STON1: variants seen among roughly 807,000 people sequenced by gnomAD.
STON1 encodes the protein stonin-1.
A neutral mutation model predicts 60.9 loss-of-function variants in STON1; 79 were observed. The observed-to-expected ratio is 1.30, with a 90% CI of 1.08 to 1.56. STON1 has a LOEUF of 1.56. Among genes scored for constraint, STON1 ranks in the 40% most tolerant of loss-of-function variants. STON1 has a pLI of 0.00. For synonymous variants in STON1, 363 were observed against 306.9 expected (o/e 1.18, Z -1.91); for missense variants, 1,166 against 858.9 (o/e 1.36, Z -4.47).
chr2:48,532,690 A>AC (rs1671261703), intron 1 of STON1, among the ~76,000 whole-genome samples: 1 of 152,306 alleles, frequency 6.6e-6, no homozygotes, highest in African/African-American at 2.4e-5. Context: ...CACGGGTACA[A>AC]GAGTCTGCCC....
chr2:48,591,766 G>C lies in STON1; in HGVS notation c.2044G>C (p.Ala682Pro). 1 of 1,614,168 alleles carries C rather than the reference G, an allele frequency of 6.2e-7. No homozygotes were observed. The highest frequency in any genetic ancestry group is 8.5e-7 in the Non-Finnish European group (1 of 1,180,036). ...TCAGTTTTCCGTGCCTGACACCTGT[G>C]CCTCAAGGACAGAGGTCAGGTCTCT... ...TVQFSVPDTCASRTEVRSLGV... is the reference protein window; with the variant it reads ...TVQFSVPDTCPSRTEVRSLGV... The change falls in exon 3 of 4, where the codon GCC (alanine) becomes CCC (proline). Residue 682 changes from alanine to proline, a missense_variant. Ala to Pro is a conservative substitution (Grantham distance 27). Transcript: ENST00000404752.
chr2:48,545,247 A>G (rs1671820258), intron 1 of STON1, among the ~76,000 whole-genome samples: 1 of 152,194 alleles, frequency 6.6e-6, no homozygotes, highest in Non-Finnish European at 1.5e-5. Context: ...CATCATCTTT[A>G]TCAATCACCT....
rs1162284238 is a variant in STON1, at chr2:48,535,096, CA to C, written c.-48+4881del. Among the ~76,000 whole-genome samples, 8 of 152,146 alleles carry C rather than the reference CA, an allele frequency of 5.3e-5. No individual in the cohort carries two copies. In the South Asian group the frequency reaches 1.2e-3, roughly 24 times the overall value. ...TATGTCTTCAGAGCTCTGCAGATTA[CA>C]GGGTGTCATCATTCTTTGCAGCGTC... On this transcript the variant is annotated intron_variant, in intron 1 of 3. Coordinates refer to ENST00000404752, the MANE Select transcript of STON1 (RefSeq NM_006873.4).
chr2:48,576,056 C>T (rs1033913238), intron 1 of STON1, among the ~76,000 whole-genome samples: 1 of 151,760 alleles, frequency 6.6e-6, no homozygotes, highest in Non-Finnish European at 1.5e-5. Context: ...CCGCACCTGG[C>T]CCTATTTTTA....
Position 48,595,247 on chromosome 2 carries a change from G to A in STON1, c.2153G>A (p.Trp718Ter). The change falls in exon 4 of 4, where the codon TGG becomes TAG. Residue 718 changes from tryptophan (W) to a stop codon, truncating the protein, a stop_gained. Coordinates refer to ENST00000404752, the MANE Select transcript of STON1 (RefSeq NM_006873.4). LOFTEE classifies it high-confidence loss of function. ...YNIQVEIEKK[W>*]IKIDGEDPDK... ...TAACAGGTTGAAATAGAAAAGAAGTGGATTAAAATCGATGGAGAAGACCCA... is the reference window on the plus strand; with the variant it reads ...TAACAGGTTGAAATAGAAAAGAAGTAGATTAAAATCGATGGAGAAGACCCA... 6.2e-7 allele frequency: 1 copy of A among 1,613,786 alleles called. No individual in the cohort carries two copies. Among genetic ancestry groups the A allele is most frequent in the Non-Finnish European group, 8.5e-7 (1 of 1,179,740 alleles).
In STON1 at chr2:48,582,214, C is replaced by G. The variant is rs780215211; in HGVS notation, c.1581C>G (p.Pro527=). Residue 527 remains proline, a synonymous_variant, in exon 2 of 4, where the codon CCC becomes CCG. Transcript: ENST00000404752. ...FKTLYNGDNL[P]FSLKSVVVVQ... is the part of the protein sequence containing the mutation. ...CTTTGTATAATGGGGATAATCTTCC[C>G]TTTTCCTTGAAGTCTGTAGTGGTTG... 5 of 1,614,080 alleles carry G rather than the reference C, an allele frequency of 3.1e-6. No homozygotes were observed. In the African/African-American group the frequency reaches 6.7e-5, roughly 22 times the overall value.
Position 48,580,565 on chromosome 2 carries a change from CTTTAT to C in STON1, c.-47-13_-47-9del, listed in dbSNP as rs1423665526. On this transcript the variant is annotated splice_polypyrimidine_tract_variant and intron_variant, in intron 1 of 3. Coordinates refer to ENST00000404752, the MANE Select transcript of STON1 (RefSeq NM_006873.4). ...CCTTCATTTTATATACCTATTTTCT[CTTTAT>C]TTTATTTTTTTAACAGAGTCAACCT... 8.3e-6 allele frequency: 11 copies of C among 1,321,652 alleles called. No homozygotes were observed. Among genetic ancestry groups the C allele is most frequent in the African/African-American group, 4.5e-5 (3 of 66,388 alleles). 81.9% of individuals were successfully genotyped at this position (1,321,652 alleles called of 1,614,324 possible). A position where few individuals can be genotyped will look rare whatever the true frequency, so the allele number is the denominator to read the frequency against.
intron 2 of STON1, among the ~76,000 whole-genome samples, chr2:48,586,355 A>G (rs982043872): frequency 1.3e-5 from 2 of 152,206 alleles, no homozygotes; most frequent in Non-Finnish European, 2.9e-5. Context: ...CACAAACATG[A>G]TTCCTACTCT....
chr2:48,572,027 G>A (rs1231029167), intron 1 of STON1, among the ~76,000 whole-genome samples: 2 of 152,146 alleles, frequency 1.3e-5, no homozygotes, highest in Non-Finnish European at 2.9e-5. Context: ...GCCTGGCATG[G>A]TGGTGGGCGC....
At chr2:48,542,159 T>A (rs950612299) in intron 1 of STON1, among the ~76,000 whole-genome samples, 19 of 152,256 alleles carry the variant, frequency 1.2e-4, no homozygotes, top group African/African-American at 4.6e-4. Flanking sequence ...ATTGATTCTT[T>A]ACTTGTGGCT....
intron 1 of STON1, among the ~76,000 whole-genome samples, chr2:48,573,405 C>A (rs1398904485): frequency 6.6e-6 from 1 of 152,180 alleles, no homozygotes. Flanking sequence ...CTTTTGACAG[C>A]ATTTTCCACT....
Position 48,598,287 on chromosome 2 carries a change from G to C in STON1, c.*2985G>C, listed in dbSNP as rs1674873851. 6.6e-6 allele frequency: 1 copy of C among 152,510 alleles called. No homozygotes were observed. Among genetic ancestry groups the C allele is most frequent in the South Asian group, 2.1e-4 (1 of 4,834 alleles). The allele number at this position is 152,510 out of a possible 1,614,324, so 9.4% of individuals were successfully genotyped here. On this transcript the variant is annotated 3_prime_UTR_variant, in exon 4 of 4. Coordinates refer to ENST00000404752, the MANE Select transcript of STON1 (RefSeq NM_006873.4). Reference sequence around the variant, plus strand: ...CTGATGTATATATTAGACAGTTCTAGGATGTTAGTTCCCTTCATTCCAGAG... The same window carrying C: ...CTGATGTATATATTAGACAGTTCTACGATGTTAGTTCCCTTCATTCCAGAG...
At chr2:48,593,112 T>C (rs1315735764) in intron 3 of STON1, among the ~76,000 whole-genome samples, 1 of 152,138 alleles carries the variant, frequency 6.6e-6, no homozygotes, top group Non-Finnish European at 1.5e-5. Context: ...GCTGATTTTG[T>C]TTAAAAGGTT....
intron 1 of STON1, among the ~76,000 whole-genome samples, chr2:48,572,089 G>C (rs1273356420): frequency 6.6e-6 from 1 of 152,132 alleles, no homozygotes; most frequent in Admixed American, 6.5e-5. Flanking sequence ...CTTGAACCTG[G>C]GAGGCAGAGG....
chr2:48,567,291 G>T (rs1672988947), intron 1 of STON1, among the ~76,000 whole-genome samples: 1 of 152,246 alleles, frequency 6.6e-6, no homozygotes, highest in Non-Finnish European at 1.5e-5. Context: ...CATGACCTAA[G>T]ATGAAGGTGA....
intron 1 of STON1, among the ~76,000 whole-genome samples, chr2:48,565,346 C>T (rs533515022): frequency 7.9e-4 from 121 of 152,266 alleles, no homozygotes; most frequent in Non-Finnish European, 1.4e-3. Context: ...GCCACCGCGC[C>T]CAGCCTCCGA....
chr2:48,543,948 G>T (rs1284012842), intron 1 of STON1, among the ~76,000 whole-genome samples: 1 of 152,196 alleles, frequency 6.6e-6, no homozygotes, highest in African/African-American at 2.4e-5. Context: ...CCAAGTGATT[G>T]AGGAGTAGGT....
At chr2:48,578,581 C>CATTTTTTTTTTTTTTTTT (rs1673676396) in intron 1 of STON1, among the ~76,000 whole-genome samples, 1 of 46,154 alleles carries the variant, frequency 2.2e-5, no homozygotes, top group Non-Finnish European at 3.5e-5. Flanking sequence ...CTCCTCCTTC[C>CATTTTTTTTTTTTTTTTT]TTTTTTTTTT....
chr2:48,568,846 C>T (rs1051624773), intron 1 of STON1, among the ~76,000 whole-genome samples: 1 of 152,202 alleles, frequency 6.6e-6, no homozygotes, highest in African/African-American at 2.4e-5. Context: ...GAGAAATAGG[C>T]TCTTCTCACG....
Sources: allele counts gnomAD v4.1 joint callset (sites outside exome capture counted in the v4.1 genomes callset), GRCh38; gene constraint gnomAD v4.1.1; transcripts MANE v1.5; gene names NCBI Gene and HGNC (gene_info 2026-07-23, HGNC 2026-07-21).